The following ADAM8 variants were observed in gnomAD, a reference collection of about 807,000 sequenced individuals.
The protein encoded by ADAM8 is ADAM metallopeptidase domain 8.
A neutral mutation model predicts 102.4 loss-of-function variants in ADAM8; 104 were observed. That is an observed-to-expected ratio of 1.02 (90% CI 0.87 to 1.20). The LOEUF (loss-of-function observed/expected upper bound fraction) is 1.20. ADAM8 is among the 50% of genes most tolerant of loss of function. The pLI is 0.00. For synonymous variants in ADAM8, 517 were observed against 485.2 expected, an observed-to-expected ratio of 1.07 and a Z score of -0.86; for missense variants, 1,132 against 1,159.0, an observed-to-expected ratio of 0.98 and a Z score of 0.34.
At chr10:133,276,063 G>T (rs534394533) in intron 1 of ADAM8, 29 of 157,280 alleles carry the variant, frequency 1.8e-4, no homozygotes, top group South Asian at 8.9e-4. Context: ...CCTGGTATCC[G>T]AGAGCAGAGG....
chr10:133,269,217 G>A, intron 18 of ADAM8: 1 of 979,540 alleles, frequency 1.0e-6, no homozygotes, highest in Non-Finnish European at 1.2e-6. Flanking sequence ...TCAGCTCACG[G>A]CCGTGCCCTG....
rs886693032 is a variant in ADAM8 at position 133,272,868 on chromosome 10, T to A, written c.637-2A>T. On this transcript the variant is annotated splice_acceptor_variant, in intron 7 of 22. Transcript: ENST00000445355. LOFTEE classifies it high-confidence loss of function. ...TGCTTCGCTCCCCAGCATCTGGAAC[T>A]GGGGACACGAGACCCTCAGGCTGGA... 1.2e-6 allele frequency: 2 copies of A among 1,611,314 alleles called. No homozygotes were observed. The highest frequency in any genetic ancestry group is 1.7e-6 in the Non-Finnish European group (2 of 1,178,796).
intron 2 of ADAM8, chr10:133,274,716 G>A: frequency 6.8e-6 from 2 of 294,278 alleles, no homozygotes; most frequent in Non-Finnish European, 1.4e-5. Flanking sequence ...AAGGAGGTGG[G>A]TGGCGGGGAT....
intron 21 of ADAM8, among the ~76,000 whole-genome samples, chr10:133,266,521 C>A (rs904413098): frequency 6.6e-6 from 1 of 152,134 alleles, no homozygotes; most frequent in African/African-American, 2.4e-5. Flanking sequence ...TGGAGGGGGT[C>A]CCCGGAGATG....
chr10:133,271,470 AG>A, intron 12 of ADAM8, 57 bp downstream of exon 12: 1 of 1,504,824 alleles, frequency 6.6e-7, no homozygotes, highest in South Asian at 1.3e-5. Context: ...CCTGGCCTGA[AG>A]GGACAGAGGT....
chr10:133,274,977 C>G, intron 2 of ADAM8: 3 of 354,500 alleles, frequency 8.5e-6, no homozygotes, highest in Non-Finnish European at 1.1e-5. Flanking sequence ...GGGCTGGGGC[C>G]GGAACTGCCC....
At chr10:133,272,690 G>A in intron 8 of ADAM8, 105 bp from the exon 9 acceptor site, 1 of 1,535,602 alleles carries the variant, frequency 6.5e-7, no homozygotes, top group South Asian at 1.2e-5. Context: ...GTGGGGCCAG[G>A]CACAGGTGCG....
Position 133,262,860 on chromosome 10 carries a change from C to A in ADAM8, c.*296G>T. 2.1e-6 allele frequency: 1 copy of A among 465,802 alleles called. No homozygotes were observed. The highest frequency in any genetic ancestry group is 3.9e-6 in the Non-Finnish European group (1 of 255,918). The allele number at this position is 465,802 out of a possible 1,614,324, so 28.9% of individuals were successfully genotyped here. ...GTGGCCTCCTGAACACAGCGGGAGACCAGCGGCCACCTGGAGACACGTACA... is the reference window on the plus strand; with the variant it reads ...GTGGCCTCCTGAACACAGCGGGAGAACAGCGGCCACCTGGAGACACGTACA... On this transcript the variant is annotated 3_prime_UTR_variant, in exon 23 of 23. Coordinates refer to ENST00000445355, the MANE Select transcript of ADAM8 (RefSeq NM_001109.5).
chr10:133,267,339 C>T lies in ADAM8; in HGVS notation c.2319+13G>A. The T allele has an allele frequency of 6.2e-7, 1 of 1,604,240 alleles. No individual in the cohort carries two copies. The highest frequency in any genetic ancestry group is 8.5e-7 in the Non-Finnish European group (1 of 1,176,726). ...CCCTCAGAAGGCTTGGCCGCCCAAT[C>T]ACCACTGCTCACCTGCTTTGGTGCC... is the stretch of plus-strand genomic sequence containing the variant. On this transcript the variant is annotated intron_variant, in intron 21 of 22. Coordinates refer to ENST00000445355, the MANE Select transcript of ADAM8 (RefSeq NM_001109.5).
Position 133,263,725 on chromosome 10 carries a change from T to C in ADAM8, c.2360A>G (p.Lys787Arg). Residue 787 changes from lysine (K) to arginine (R), a missense_variant, in exon 22 of 23, where the codon AAA becomes AGA. Coordinates refer to ENST00000445355, the MANE Select transcript of ADAM8 (RefSeq NM_001109.5). ...AGGGTTGGCCGCACCAGCCCCGGGT[T>C]TGACTGGGGGCACTGGGGGTGCGAA... ...PTFAPPVPPV[K>R]PGAGAANPGP... is the part of the protein sequence containing the mutation. The C allele has an allele frequency of 1.9e-6, 3 of 1,550,940 alleles. No homozygotes were observed. Among genetic ancestry groups the C allele is most frequent in the Non-Finnish European group, 2.6e-6 (3 of 1,148,722 alleles).
At chr10:133,267,666 G>GCT (rs1846367853) in intron 20 of ADAM8, among the ~76,000 whole-genome samples, 1 of 152,250 alleles carries the variant, frequency 6.6e-6, no homozygotes, top group South Asian at 2.1e-4. Flanking sequence ...AGGCCAGGAA[G>GCT]CTTCCCTGGG....
intron 1 of ADAM8, among the ~76,000 whole-genome samples, chr10:133,276,153 T>C (rs1846743364): frequency 6.6e-6 from 1 of 152,162 alleles, no homozygotes; most frequent in Admixed American, 6.5e-5. Context: ...AACACAATAG[T>C]GGACGTGTCT....
intron 14 of ADAM8, 38 bp from the exon 15 acceptor site, chr10:133,270,843 G>A (rs1270540640): frequency 6.2e-7 from 1 of 1,610,440 alleles, no homozygotes; most frequent in Non-Finnish European, 8.5e-7. Context: ...GGCAAGGCCT[G>A]CAGCCACCCT....
intron 9 of ADAM8, 25 bp downstream of exon 9, chr10:133,272,391 C>T (rs769133901): frequency 1.3e-6 from 2 of 1,530,386 alleles, no homozygotes; most frequent in South Asian, 1.2e-5. Context: ...CAGCCCTCCC[C>T]ACCCTGCCCG....
intron 8 of ADAM8, 98 bp from the exon 9 acceptor site, chr10:133,272,683 G>T: frequency 6.5e-7 from 1 of 1,536,848 alleles, no homozygotes; most frequent in East Asian, 2.3e-5. Context: ...CGGCGAGGTG[G>T]GGCCAGGCAC....
chr10:133,271,373 T>C (rs1657553465), intron 12 of ADAM8, 84 bp from the exon 13 acceptor site: 5 of 1,500,642 alleles, frequency 3.3e-6, no homozygotes, highest in South Asian at 1.2e-5. Flanking sequence ...CCCTGACCAC[T>C]GGGGTGCCCT....
At chr10:133,266,482 C>T (rs1430065521) in intron 21 of ADAM8, among the ~76,000 whole-genome samples, 4 of 152,192 alleles carry the variant, frequency 2.6e-5, no homozygotes, top group African/African-American at 9.6e-5. Context: ...CATGCACAGC[C>T]CAGTCCTAGG....
rs1846601982 is a variant in ADAM8, at chr10:133,272,969, CACG to C, written c.621_623del (p.Val208del). 2 of 1,612,934 alleles carry C rather than the reference CACG, an allele frequency of 1.2e-6. No homozygotes were observed. The highest frequency in any genetic ancestry group is 4.5e-5 in the East Asian group (2 of 44,872). Reference sequence around the variant, plus strand: ...GCCCCCAACACACCTCTGCATTGTCCACGACCACATACAGCTCCACGTAGCGGG... The same window carrying C: ...GCCCCCAACACACCTCTGCATTGTCCACCACATACAGCTCCACGTAGCGGG... On this transcript the variant is annotated inframe_deletion, in exon 7 of 23. Transcript: ENST00000445355.
chr10:133,269,639 T>G, intron 17 of ADAM8, 110 bp from the exon 18 acceptor site: 1 of 1,165,356 alleles, frequency 8.6e-7, no homozygotes, highest in South Asian at 1.6e-5. Context: ...CGAGGGCCCC[T>G]CGGTCCCTGC....
Sources: allele counts gnomAD v4.1 joint callset (sites outside exome capture counted in the v4.1 genomes callset), GRCh38; gene constraint gnomAD v4.1.1; transcripts MANE v1.5; gene names NCBI Gene and HGNC (gene_info 2026-07-23, HGNC 2026-07-21).